Variants in PLPP3 observed in about 807,000 individuals in gnomAD.
The protein encoded by PLPP3 is PAP2 beta.
In PLPP3, 6 loss-of-function variants were observed where a neutral mutation model predicts 29.6. That is an observed-to-expected ratio of 0.20 (90% CI 0.11 to 0.40). The LOEUF is 0.40. PLPP3 is among the 10% of genes least tolerant of loss of function. The pLI is 1.00. For synonymous variants in PLPP3, 152 were observed against 159.7 expected (o/e 0.95, Z 0.36); for missense variants, 308 against 407.7 (o/e 0.76, Z 2.11).
At chr1:56,528,622 C>T (rs906009182) in intron 2 of PLPP3, among the ~76,000 whole-genome samples, 2 of 151,954 alleles carry the variant, frequency 1.3e-5, no homozygotes, top group African/African-American at 2.4e-5. Context: ...CGCCTGGCAC[C>T]TAGCAGGAGA....
chr1:56,496,415 CA>C lies in PLPP3; in HGVS notation c.*135del, dbSNP rs1341330830. The C allele has an allele frequency of 3.0e-5, 34 of 1,140,114 alleles. No homozygotes were observed. Among genetic ancestry groups the C allele is most frequent in the Non-Finnish European group, 3.9e-5 (32 of 813,430 alleles). 70.6% of individuals were successfully genotyped at this position (1,140,114 alleles called of 1,614,324 possible). On this transcript the variant is annotated 3_prime_UTR_variant, in exon 6 of 6. Transcript: ENST00000371250. ...TATTTTGGAAGGCCACATAGTAAAACATTTTTTTTTTCCTTTTTAAAAATCA... is the reference window on the plus strand; with the variant it reads ...TATTTTGGAAGGCCACATAGTAAAACTTTTTTTTTTCCTTTTTAAAAATCA...
chr1:56,555,523 C>T (rs143784584), intron 1 of PLPP3, among the ~76,000 whole-genome samples: 63 of 145,524 alleles, frequency 4.3e-4, no homozygotes, highest in African/African-American at 1.4e-3. Flanking sequence ...AGAGAAAAAT[C>T]GATGATAAGT....
chr1:56,550,459 A>C (rs56170783), intron 1 of PLPP3, among the ~76,000 whole-genome samples: 9,959 of 152,288 alleles, frequency 0.065, 393 homozygotes, highest in Middle Eastern at 0.1. Flanking sequence ...TAATCCTTGC[A>C]AAGCAGCAAG....
chr1:56,551,608 C>A (rs955685864), intron 1 of PLPP3, among the ~76,000 whole-genome samples: 6 of 152,174 alleles, frequency 3.9e-5, no homozygotes, highest in Non-Finnish European at 8.8e-5. Context: ...CCATGAGAAA[C>A]AATCTCTCCT....
At chr1:56,552,324 A>C (rs1392588020) in intron 1 of PLPP3, among the ~76,000 whole-genome samples, 1 of 152,034 alleles carries the variant, frequency 6.6e-6, no homozygotes, top group Admixed American at 6.6e-5. Context: ...AGGGCATGAG[A>C]ATTCTGATTT....
intron 1 of PLPP3, among the ~76,000 whole-genome samples, chr1:56,575,175 C>T (rs1337701384): frequency 2.0e-5 from 3 of 152,174 alleles, no homozygotes; most frequent in Non-Finnish European, 4.4e-5. Flanking sequence ...CATAATCCCA[C>T]ACAGTCATTT....
intron 5 of PLPP3, among the ~76,000 whole-genome samples, chr1:56,498,045 G>GT (rs1336367332): frequency 1.3e-5 from 2 of 150,372 alleles, no homozygotes; most frequent in African/African-American, 4.9e-5. Context: ...TTATTTTGTT[G>GT]TTAAAAAAAA....
chr1:56,514,562 T>C (rs1318624189), intron 4 of PLPP3, among the ~76,000 whole-genome samples: 2 of 152,202 alleles, frequency 1.3e-5, no homozygotes, highest in African/African-American at 4.8e-5. Flanking sequence ...TATTAAGGGT[T>C]TCTTCAAAAA....
In PLPP3 at chr1:56,524,017, C is replaced by T; in HGVS notation, c.576-137G>A. 10 of 1,053,240 alleles carry T rather than the reference C, an allele frequency of 9.5e-6. No homozygotes were observed. The highest frequency in any genetic ancestry group is 1.6e-5 in the African/African-American group (1 of 62,110). 65.2% of individuals were successfully genotyped at this position (1,053,240 alleles called of 1,614,324 possible). ...GTTCATTTTTGCATCCTTGGTAGTG[C>T]TTTGGACCCATGCCTGGAACATAGC... On this transcript the variant is annotated intron_variant, in intron 3 of 5. Coordinates refer to ENST00000371250, the MANE Select transcript of PLPP3 (RefSeq NM_003713.5). This position sits in a 1 kb window ranked among gnomAD's most constrained non-coding sequence, Gnocchi z 4.3.
rs559842910 is a variant in PLPP3 at position 56,509,627 on chromosome 1, G to A, written c.810+2349C>T. Among the ~76,000 whole-genome samples the A allele has an allele frequency of 2.6e-4, 39 of 152,124 alleles. No homozygotes were observed. The South Asian group carries it at 7.7e-3, about 30-fold the overall frequency. ...GGCTGAGGCGGGCGGATCACCTGAG[G>A]TCAGGAGTTCAAGACCAGCCTGGCC... On this transcript the variant is annotated intron_variant, in intron 5 of 5. Coordinates refer to ENST00000371250, the MANE Select transcript of PLPP3 (RefSeq NM_003713.5).
chr1:56,512,340 G>T, intron 4 of PLPP3, 188 bp from the exon 5 acceptor site: 1 of 547,094 alleles, frequency 1.8e-6, no homozygotes, highest in Non-Finnish European at 3.1e-6. Context: ...GGCTAGGCAC[G>T]GTGGCTCACG....
intron 1 of PLPP3, among the ~76,000 whole-genome samples, chr1:56,543,443 T>A (rs914425377): frequency 1.3e-5 from 2 of 152,236 alleles, no homozygotes; most frequent in Admixed American, 1.3e-4. Context: ...TCCCTTTCTT[T>A]ATAAACATAT....
At position 56,572,050 on chromosome 1, in the gene PLPP3, T is replaced by G. The variant is rs995443390; in HGVS notation, c.139+6828A>C. On this transcript the variant is annotated intron_variant, in intron 1 of 5. Coordinates refer to ENST00000371250, the MANE Select transcript of PLPP3 (RefSeq NM_003713.5). ...CATTTCCAATCATTTCTGGTTTTTT[T>G]TTTTTTTTTTTTTTTTTGAGACAGA... 3.0e-5 allele frequency among the ~76,000 whole-genome samples: 4 copies of G among 131,820 alleles called. No homozygotes were observed. The East Asian group carries it at 6.4e-4, about 21-fold the overall frequency. 86.5% of individuals were successfully genotyped at this position (131,820 alleles called of 152,430 possible).
chr1:56,497,765 C>T (rs1234065430), intron 5 of PLPP3, among the ~76,000 whole-genome samples: 1 of 152,184 alleles, frequency 6.6e-6, no homozygotes, highest in Admixed American at 6.5e-5. Context: ...AAAACTAAGG[C>T]TCTGGCGATC....
intron 5 of PLPP3, among the ~76,000 whole-genome samples, chr1:56,507,396 C>T (rs1441656418): frequency 1.3e-5 from 2 of 152,196 alleles, no homozygotes; most frequent in African/African-American, 4.8e-5. Flanking sequence ...TCACCATTTA[C>T]CCAATGCTGA....
chr1:56,569,608 GATAAAA>G (rs1370232685), intron 1 of PLPP3, among the ~76,000 whole-genome samples: 1 of 152,082 alleles, frequency 6.6e-6, no homozygotes, highest in African/African-American at 2.4e-5. Flanking sequence ...AATCTTCCAA[GATAAAA>G]ATAAAAAGAA....
At chr1:56,555,954 C>T (rs1187079076) in intron 1 of PLPP3, among the ~76,000 whole-genome samples, 4 of 152,108 alleles carry the variant, frequency 2.6e-5, no homozygotes, top group Non-Finnish European at 5.9e-5. Flanking sequence ...AAATTCAGAT[C>T]GAGGAAGACA....
chr1:56,557,244 G>A (rs1260974887), intron 1 of PLPP3, among the ~76,000 whole-genome samples: 3 of 151,484 alleles, frequency 2.0e-5, no homozygotes, highest in African/African-American at 4.9e-5. Context: ...TGGGCATGGT[G>A]GTAGGCACCT....
chr1:56,524,460 C>T lies in PLPP3; in HGVS notation c.392G>A (p.Gly131Asp), dbSNP rs778831660. ...GATGGCACAGCCAAAGAGGAAGCAG[C>T]CCACTTGCTTATAGAGTGCTGCCAC... ...PYVAALYKQVGCFLFGCAISQ... is the reference protein window; with the variant it reads ...PYVAALYKQVDCFLFGCAISQ... The change falls in exon 3 of 6, where the codon GGC (glycine) becomes GAC (aspartate). Residue 131 changes from glycine to aspartate, a missense_variant. Physicochemically the swap from Gly to Asp is moderately conservative, Grantham distance 94. Transcript: ENST00000371250. This position sits in a 1 kb window ranked among gnomAD's most constrained non-coding sequence, Gnocchi z 4.3. 1 of 1,614,090 alleles carries T rather than the reference C, an allele frequency of 6.2e-7. No homozygotes were observed.
Sources: allele counts gnomAD v4.1 joint callset (sites outside exome capture counted in the v4.1 genomes callset), GRCh38; gene constraint gnomAD v4.1.1; non-coding constraint Gnocchi (gnomAD v3.1); transcripts MANE v1.5; gene names NCBI Gene and HGNC (gene_info 2026-07-23, HGNC 2026-07-21).